Variants in KHDRBS2 observed in about 807,000 individuals in gnomAD.
The protein encoded by KHDRBS2 is KH RNA binding domain containing, signal transduction associated 2.
KHDRBS2 carries 26 observed loss-of-function variants against 44.3 expected under a neutral mutation model. The observed-to-expected ratio is 0.59, with a 90% CI of 0.43 to 0.81. KHDRBS2 has a LOEUF of 0.81. Among genes scored for constraint, KHDRBS2 ranks in the 40% least tolerant of loss-of-function variants. KHDRBS2 has a pLI of 0.00. For missense variants in KHDRBS2, 476 were observed against 433.1 expected (o/e 1.10, Z -0.88); for synonymous variants, 194 against 151.1 (o/e 1.28, Z -2.08).
intron 8 of KHDRBS2, among the ~76,000 whole-genome samples, chr6:61,690,155 A>G (rs1767234719): frequency 2.0e-5 from 3 of 151,912 alleles, no homozygotes; most frequent in Admixed American, 2.0e-4. Flanking sequence ...AATTCTGGAA[A>G]TTCTGTAATG....
the KHDRBS2 span, among the ~76,000 whole-genome samples, chr6:61,614,489 A>C: frequency 1.4e-4 from 21 of 152,274 alleles, no homozygotes; most frequent in Admixed American, 1.1e-3. Flanking sequence ...CCTCTGATTA[A>C]ATTTAATTGT....
At chr6:62,154,869 T>C (rs931238064) in intron 2 of KHDRBS2, among the ~76,000 whole-genome samples, 6 of 152,218 alleles carry the variant, frequency 3.9e-5, no homozygotes, top group Non-Finnish European at 7.3e-5. Context: ...AAGTGACTAA[T>C]GGCACAATTC....
intron 6 of KHDRBS2, among the ~76,000 whole-genome samples, chr6:61,872,718 C>G (rs1336368672): frequency 6.6e-6 from 1 of 151,980 alleles, no homozygotes; most frequent in African/African-American, 2.4e-5. Context: ...TGTGGGAAAA[C>G]AAGACCAAGG....
At chr6:62,068,115 T>C (rs1248725010) in intron 2 of KHDRBS2, among the ~76,000 whole-genome samples, 2 of 151,528 alleles carry the variant, frequency 1.3e-5, no homozygotes, top group African/African-American at 4.8e-5. Flanking sequence ...AAGCATCCAA[T>C]TGTTTTCCAA....
intron 4 of KHDRBS2, among the ~76,000 whole-genome samples, chr6:61,916,947 G>A (rs1251365766): frequency 6.8e-6 from 1 of 146,916 alleles, no homozygotes; most frequent in East Asian, 2.0e-4. Flanking sequence ...TGAGGATGTG[G>A]AGAAACAGGA....
chr6:61,635,414 G>C, the KHDRBS2 span, among the ~76,000 whole-genome samples: 1 of 151,988 alleles, frequency 6.6e-6, no homozygotes, highest in African/African-American at 2.4e-5. Flanking sequence ...CAAATGAAAG[G>C]ATTTAGTGTT....
intron 2 of KHDRBS2, among the ~76,000 whole-genome samples, chr6:62,065,542 C>CA (rs1793418843): frequency 6.8e-6 from 1 of 146,490 alleles, no homozygotes; most frequent in Non-Finnish European, 1.5e-5. Context: ...AACAAAAAAC[C>CA]AAACACCGCA....
chr6:61,718,888 C>G (rs1771879235), intron 7 of KHDRBS2, among the ~76,000 whole-genome samples: 1 of 152,152 alleles, frequency 6.6e-6, no homozygotes, highest in African/African-American at 2.4e-5. Context: ...ATTTAGGAGT[C>G]TAATTCCCCG....
At position 61,930,545 on chromosome 6, in the gene KHDRBS2, AG is replaced by A. The variant is rs146578777; in HGVS notation, c.484-29175del. The stretch of plus-strand genomic sequence containing the variant: ...CCCTAAAAAAAAAAAAAAAAAAAAA[AG>A]AAAAAAAAAAAAAAAAAAAAAGGCT... On this transcript the variant is annotated intron_variant, in intron 4 of 8. Coordinates refer to ENST00000281156, the MANE Select transcript of KHDRBS2 (RefSeq NM_152688.4). 5.8e-3 allele frequency among the ~76,000 whole-genome samples: 171 copies of A among 29,728 alleles called. 49 individuals are homozygous for A. Among genetic ancestry groups the A allele is most frequent in the African/African-American group, 9.1e-3 (109 of 11,920 alleles). The allele number at this position is 29,728 out of a possible 152,430, so 19.5% of individuals were successfully genotyped here. A position where few individuals can be genotyped will look rare whatever the true frequency, so the allele number is the denominator to read the frequency against.
chr6:62,080,979 C>G (rs896218912), intron 2 of KHDRBS2, among the ~76,000 whole-genome samples: 1 of 152,138 alleles, frequency 6.6e-6, no homozygotes, highest in African/African-American at 2.4e-5. Context: ...AGGCTCCCCA[C>G]TGTTACTATC....
chr6:61,552,585 G>A, the KHDRBS2 span, among the ~76,000 whole-genome samples: 1 of 152,092 alleles, frequency 6.6e-6, no homozygotes, highest in Non-Finnish European at 1.5e-5. Context: ...TGATTTGCAA[G>A]GAGAATGCTT....
intron 2 of KHDRBS2, among the ~76,000 whole-genome samples, chr6:62,127,495 T>C (rs1809246023): frequency 6.6e-6 from 1 of 152,144 alleles, no homozygotes; most frequent in Admixed American, 6.5e-5. Flanking sequence ...AAAATCTCAA[T>C]AATATATTAA....
At chr6:62,092,156 C>G (rs531862147) in intron 2 of KHDRBS2, among the ~76,000 whole-genome samples, 2 of 151,734 alleles carry the variant, frequency 1.3e-5, no homozygotes, top group African/African-American at 4.8e-5. Flanking sequence ...TCCACCAGCT[C>G]TCTACCATTT....
chr6:62,149,063 G>A (rs978816753), intron 2 of KHDRBS2, among the ~76,000 whole-genome samples: 1 of 151,850 alleles, frequency 6.6e-6, no homozygotes, highest in Non-Finnish European at 1.5e-5. Context: ...TTTGAAAAAA[G>A]AAAGGACCAC....
At chr6:62,249,155 A>G (rs555928936) in intron 1 of KHDRBS2, among the ~76,000 whole-genome samples, 1 of 152,112 alleles carries the variant, frequency 6.6e-6, no homozygotes, top group South Asian at 2.1e-4. Context: ...AGTAATTTAT[A>G]GGTCAAATGT....
chr6:61,581,896 A>G, the KHDRBS2 span, among the ~76,000 whole-genome samples: 1 of 144,328 alleles, frequency 6.9e-6, no homozygotes, highest in South Asian at 2.2e-4. Flanking sequence ...TTAAAAACTT[A>G]CAAGAAAAAT....
chr6:61,689,555 GTAAA>G (rs1767169897), intron 8 of KHDRBS2, among the ~76,000 whole-genome samples: 1 of 152,034 alleles, frequency 6.6e-6, no homozygotes. Context: ...TCTCAGAAGT[GTAAA>G]TCTTAGCTCT....
intron 1 of KHDRBS2, among the ~76,000 whole-genome samples, chr6:62,237,686 G>T (rs1833915713): frequency 6.6e-6 from 1 of 152,096 alleles, no homozygotes; most frequent in South Asian, 2.1e-4. Context: ...CCCACTAGAG[G>T]GAAAATGTAC....
At chr6:62,088,677 G>C (rs540502886) in intron 2 of KHDRBS2, among the ~76,000 whole-genome samples, 26 of 152,258 alleles carry the variant, frequency 1.7e-4, no homozygotes, top group African/African-American at 5.1e-4. Flanking sequence ...GAGGCATGGG[G>C]GACAGGGACC....
Sources: allele counts gnomAD v4.1 joint callset (sites outside exome capture counted in the v4.1 genomes callset), GRCh38; gene constraint gnomAD v4.1.1; transcripts MANE v1.5; gene names NCBI Gene and HGNC (gene_info 2026-07-23, HGNC 2026-07-21).